Variants in SPOCK1 observed in about 807,000 individuals in gnomAD.
The protein encoded by SPOCK1 is testican-1.
A neutral mutation model predicts 55.3 loss-of-function variants in SPOCK1; 23 were observed. That is an observed-to-expected ratio of 0.42 (90% CI 0.30 to 0.59). The LOEUF (loss-of-function observed/expected upper bound fraction) is 0.59, where lower values mean the gene tolerates loss of function less well. SPOCK1 is among the 20% of genes least tolerant of loss of function. The probability of loss-of-function intolerance (pLI) is 0.22; values close to 1 mark genes in which losing one functional copy is unlikely to be tolerated. For missense variants in SPOCK1, 499 were observed against 552.5 expected, an observed-to-expected ratio of 0.90 and a Z score of 0.97; for synonymous variants, 226 against 221.0, an observed-to-expected ratio of 1.02 and a Z score of -0.20.
intron 2 of SPOCK1, among the ~76,000 whole-genome samples, chr5:137,470,452 G>T (rs1201174842): frequency 2.6e-5 from 4 of 152,148 alleles, no homozygotes; most frequent in African/African-American, 9.7e-5. Flanking sequence ...CCCACACTGT[G>T]GTGATAGTAT....
intron 6 of SPOCK1, among the ~76,000 whole-genome samples, chr5:137,063,916 G>A (rs1752444214): frequency 6.6e-6 from 1 of 152,222 alleles, no homozygotes; most frequent in Non-Finnish European, 1.5e-5. Context: ...GCTTGGGATA[G>A]CAACCTCACT....
intron 6 of SPOCK1, among the ~76,000 whole-genome samples, chr5:137,059,601 G>A (rs1160478724): frequency 6.6e-6 from 1 of 152,124 alleles, no homozygotes; most frequent in Non-Finnish European, 1.5e-5. Flanking sequence ...TGACAAATGG[G>A]ACCTCATTAA....
At chr5:137,252,615 C>A (rs1166446063) in intron 3 of SPOCK1, among the ~76,000 whole-genome samples, 1 of 152,160 alleles carries the variant, frequency 6.6e-6, no homozygotes, top group African/African-American at 2.4e-5. Flanking sequence ...TCATTGTTGA[C>A]CAGATATAAA....
At chr5:137,310,934 C>A (rs896775565) in intron 2 of SPOCK1, among the ~76,000 whole-genome samples, 1 of 152,178 alleles carries the variant, frequency 6.6e-6, no homozygotes. Context: ...ACCCTCATGA[C>A]AAAGGAACAG....
intron 2 of SPOCK1, among the ~76,000 whole-genome samples, chr5:137,396,843 C>T (rs978263857): frequency 1.1e-4 from 16 of 152,276 alleles, no homozygotes; most frequent in African/African-American, 3.4e-4. Context: ...TGTGGCTGAA[C>T]CAATTCACTG....
intron 5 of SPOCK1, among the ~76,000 whole-genome samples, chr5:137,091,210 G>C (rs1753049239): frequency 6.6e-6 from 1 of 152,160 alleles, no homozygotes; most frequent in East Asian, 1.9e-4. Context: ...TCCTCCCAAG[G>C]ACTATCTCTT....
At chr5:137,029,006 G>T (rs1016809579) in intron 6 of SPOCK1, among the ~76,000 whole-genome samples, 2 of 151,910 alleles carry the variant, frequency 1.3e-5, no homozygotes, top group Non-Finnish European at 2.9e-5. Context: ...GGGTGGTGGT[G>T]GGGGGCTGCC....
Position 137,314,944 on chromosome 5 carries a change from A to G in SPOCK1, c.187-47889T>C, listed in dbSNP as rs75882085. ...ACCTACATGCACCAGCTCAGTCTCAATACCCAGCAGAAATGAGTTGTCTTC... is the reference window on the plus strand; with the variant it reads ...ACCTACATGCACCAGCTCAGTCTCAGTACCCAGCAGAAATGAGTTGTCTTC... On this transcript the variant is annotated intron_variant, in intron 2 of 10. Transcript: ENST00000394945. 3.5e-4 allele frequency among the ~76,000 whole-genome samples: 54 copies of G among 152,290 alleles called. 1 individual carries two copies. The East Asian group carries it at 0.01, about 29-fold the overall frequency.
At chr5:137,381,578 C>T (rs990525445) in intron 2 of SPOCK1, among the ~76,000 whole-genome samples, 1 of 152,220 alleles carries the variant, frequency 6.6e-6, no homozygotes, top group Non-Finnish European at 1.5e-5. Flanking sequence ...CCCAACACCA[C>T]ATGGAAGCCA....
chr5:137,438,987 A>C (rs1432298612), intron 2 of SPOCK1, among the ~76,000 whole-genome samples: 5 of 152,244 alleles, frequency 3.3e-5, no homozygotes, highest in African/African-American at 9.6e-5. Flanking sequence ...TAAAGCACAC[A>C]CTTTGGAGTC....
chr5:137,421,665 T>C (rs888120708), intron 2 of SPOCK1, among the ~76,000 whole-genome samples: 10 of 152,350 alleles, frequency 6.6e-5, no homozygotes, highest in South Asian at 6.2e-4. Context: ...TCTTCCTCCA[T>C]CCCTTTATTT....
chr5:137,374,372 A>G (rs1451151697), intron 2 of SPOCK1, among the ~76,000 whole-genome samples: 1 of 152,234 alleles, frequency 6.6e-6, no homozygotes, highest in East Asian at 1.9e-4. Flanking sequence ...GCCCAGGTAC[A>G]TAGTGAAAAA....
At chr5:137,110,251 C>T (rs1753442660) in intron 5 of SPOCK1, among the ~76,000 whole-genome samples, 1 of 152,176 alleles carries the variant, frequency 6.6e-6, no homozygotes, top group South Asian at 2.1e-4. Context: ...GCAGAAGGGG[C>T]AGACTGGAGG....
At chr5:137,232,298 T>C (rs891872596) in intron 3 of SPOCK1, among the ~76,000 whole-genome samples, 5 of 152,242 alleles carry the variant, frequency 3.3e-5, no homozygotes, top group Non-Finnish European at 5.9e-5. Context: ...AATGTTTTTT[T>C]CCTAAAAGTT....
At chr5:137,467,380 G>A (rs1241943677) in intron 2 of SPOCK1, among the ~76,000 whole-genome samples, 1 of 152,196 alleles carries the variant, frequency 6.6e-6, no homozygotes, top group African/African-American at 2.4e-5. Flanking sequence ...AAGTCTTCAC[G>A]ATGAGCTTCC....
At chr5:137,164,080 C>A (rs950062442) in intron 3 of SPOCK1, among the ~76,000 whole-genome samples, 9 of 152,148 alleles carry the variant, frequency 5.9e-5, no homozygotes, top group African/African-American at 2.2e-4. Context: ...TTGAGCACTA[C>A]CAGGCAAGAC....
Position 137,369,998 on chromosome 5 carries a change from G to GT in SPOCK1, c.187-102944dup, listed in dbSNP as rs202187881. The stretch of plus-strand genomic sequence containing the variant: ...CCACCAACCCCACAGGATGAGTGCC[G>GT]TGATTTACTGGGATCCCACAGGTAC... On this transcript the variant is annotated intron_variant, in intron 2 of 10. Coordinates refer to ENST00000394945, the MANE Select transcript of SPOCK1 (RefSeq NM_004598.4). 2.9e-3 allele frequency among the ~76,000 whole-genome samples: 436 copies of GT among 152,254 alleles called. 4 individuals are homozygous for GT. Among genetic ancestry groups the GT allele is most frequent in the African/African-American group, 9.7e-3 (402 of 41,532 alleles).
intron 9 of SPOCK1, 109 bp from the exon 10 acceptor site, chr5:136,979,578 G>T: frequency 7.2e-7 from 1 of 1,386,744 alleles, no homozygotes; most frequent in African/African-American, 1.4e-5. Flanking sequence ...TCTGCTGCAG[G>T]GTCAGCAGCA....
At chr5:137,339,391 G>A (rs768798911) in intron 2 of SPOCK1, among the ~76,000 whole-genome samples, 2 of 152,192 alleles carry the variant, frequency 1.3e-5, no homozygotes, top group African/African-American at 4.8e-5. Flanking sequence ...CAGAATGGCC[G>A]AAAGACATTT....
Sources: gnomAD v4.1 joint callset for allele counts (sites outside exome capture counted in the v4.1 genomes callset) on GRCh38, gnomAD v4.1.1 for gene constraint, MANE v1.5 for transcripts, NCBI Gene and HGNC (gene_info 2026-07-23, HGNC 2026-07-21) for gene names.